Variants in PALD1 observed in about 807,000 individuals in gnomAD.
The protein encoded by PALD1 is phosphatase domain containing paladin 1, also known as paladin.
In PALD1, 57 loss-of-function variants were observed where a neutral mutation model predicts 96.0. The observed-to-expected ratio is 0.59, with a 90% CI of 0.48 to 0.74. PALD1 has a LOEUF of 0.74. Among genes scored for constraint, PALD1 ranks in the 30% least tolerant of loss-of-function variants. The pLI, the probability that PALD1 is intolerant of heterozygous loss-of-function variation, is 0.00. For synonymous variants in PALD1, 464 were observed against 473.6 expected, an observed-to-expected ratio of 0.98 and a Z score of 0.26; for missense variants, 1,063 against 1,143.7, an observed-to-expected ratio of 0.93 and a Z score of 1.02.
intron 1 of PALD1, among the ~76,000 whole-genome samples, chr10:70,522,502 G>C (rs368405644): frequency 6.6e-6 from 1 of 152,152 alleles, no homozygotes; most frequent in Non-Finnish European, 1.5e-5. Context: ...GAGTGGTATC[G>C]TAAGCGACAT....
chr10:70,525,904 A>G lies in PALD1; in HGVS notation c.-29-19A>G. ...ATTTTCCCATCCCCTCCTTCACTGC[A>G]CACCCTCTTATCCTACAGGTCTGGG... On this transcript the variant is annotated intron_variant, in intron 1 of 19. Coordinates refer to ENST00000263563, the MANE Select transcript of PALD1 (RefSeq NM_014431.3). 3 of 1,603,798 alleles carry G rather than the reference A, an allele frequency of 1.9e-6. No individual in the cohort carries two copies. Among genetic ancestry groups the G allele is most frequent in the Non-Finnish European group, 2.6e-6 (3 of 1,172,638 alleles).
At chr10:70,552,195 G>T (rs933097782) in intron 18 of PALD1, among the ~76,000 whole-genome samples, 2 of 152,204 alleles carry the variant, frequency 1.3e-5, no homozygotes, top group African/African-American at 4.8e-5. Flanking sequence ...CAACAGCTCC[G>T]GCTTCTGGGC....
chr10:70,491,326 A>G (rs1453739295), intron 1 of PALD1, among the ~76,000 whole-genome samples: 1 of 152,174 alleles, frequency 6.6e-6, no homozygotes, highest in Non-Finnish European at 1.5e-5. Context: ...CAACATGCAC[A>G]TGGTCCTGAC....
chr10:70,534,869 A>T, intron 10 of PALD1, 26 bp downstream of exon 10: 1 of 1,444,880 alleles, frequency 6.9e-7, no homozygotes. Flanking sequence ...ACGTGTGAGC[A>T]CTCTGCTTCT....
At chr10:70,496,890 C>T (rs112288629) in intron 1 of PALD1, among the ~76,000 whole-genome samples, 2,887 of 152,218 alleles carry the variant, frequency 0.019, 97 homozygotes, top group African/African-American at 0.066. Flanking sequence ...ACTCAATTAG[C>T]CTGTCTAACC....
In PALD1 at chr10:70,532,800, C is replaced by T. The variant is rs1275724504; in HGVS notation, c.794+19C>T. 2 of 1,612,192 alleles carry T rather than the reference C, an allele frequency of 1.2e-6. No individual in the cohort carries two copies. The highest frequency in any genetic ancestry group is 1.3e-5 in the African/African-American group (1 of 74,936). On this transcript the variant is annotated intron_variant, in intron 6 of 19. Coordinates refer to ENST00000263563, the MANE Select transcript of PALD1 (RefSeq NM_014431.3). ...CCTACAGGTACCACAGGGCCACCCC[C>T]AGCCCTGGCCATGGGTGCTCCAGGT...
chr10:70,525,845 G>A lies in PALD1; in HGVS notation c.-29-78G>A. 2.7e-6 allele frequency: 3 copies of A among 1,120,100 alleles called. No homozygotes were observed. The Admixed American group carries it at 5.2e-5, about 20-fold the overall frequency. The allele number at this position is 1,120,100 out of a possible 1,614,324, so 69.4% of individuals were successfully genotyped here. ...GTGAGCTGCCTTTCTCTGTATGGTG[G>A]AGGGCGAGAGGTGGGTCAGGTCTCC... On this transcript the variant is annotated intron_variant, in intron 1 of 19. Transcript: ENST00000263563.
intron 17 of PALD1, among the ~76,000 whole-genome samples, chr10:70,544,006 A>ACC (rs1353762975): frequency 6.6e-6 from 1 of 152,024 alleles, no homozygotes; most frequent in Admixed American, 6.5e-5. Context: ...ACCCCTGTAC[A>ACC]CCCTATCCTC....
intron 12 of PALD1, 65 bp from the exon 13 acceptor site, chr10:70,538,827 G>A: frequency 1.4e-6 from 2 of 1,414,752 alleles, no homozygotes; most frequent in Non-Finnish European, 2.0e-6. Context: ...CTTGGGCCAG[G>A]TCCTGACCCT....
the PALD1 span, among the ~76,000 whole-genome samples, chr10:70,466,443 C>T: frequency 5.3e-5 from 8 of 152,108 alleles, no homozygotes; most frequent in Non-Finnish European, 1.2e-4. Context: ...AGGGGTTTCA[C>T]CATGTTGGCT....
Position 70,539,866 on chromosome 10 carries a change from A to C in PALD1, c.1908+104A>C. The stretch of plus-strand genomic sequence containing the variant: ...AGAATGAAACGACCCCAGCTTCTCT[A>C]CGGGGCCCGGGAATGGTCTCACGAG... On this transcript the variant is annotated intron_variant, in intron 15 of 19. Coordinates refer to ENST00000263563, the MANE Select transcript of PALD1 (RefSeq NM_014431.3). This position sits in a 1 kb window ranked among gnomAD's most constrained non-coding sequence, Gnocchi z 4.5. 1 of 1,029,524 alleles carries C rather than the reference A, an allele frequency of 9.7e-7. No homozygotes were observed. The highest frequency in any genetic ancestry group is 1.4e-6 in the Non-Finnish European group (1 of 705,572). The allele number at this position is 1,029,524 out of a possible 1,614,324, so 63.8% of individuals were successfully genotyped here. A position where few individuals can be genotyped will look rare whatever the true frequency, so the allele number is the denominator to read the frequency against.
At chr10:70,542,811 A>G (rs73272609) in intron 17 of PALD1, among the ~76,000 whole-genome samples, 5,740 of 152,270 alleles carry the variant, frequency 0.038, 234 homozygotes, top group African/African-American at 0.1. Flanking sequence ...GCTGGATCCT[A>G]TCGTAATTCT....
In PALD1 at chr10:70,540,914, A is replaced by T. The variant is rs1191068646; in HGVS notation, c.1909-188A>T. On this transcript the variant is annotated intron_variant, in intron 15 of 19. Coordinates refer to ENST00000263563, the MANE Select transcript of PALD1 (RefSeq NM_014431.3). This position sits in a 1 kb window ranked among gnomAD's most constrained non-coding sequence, Gnocchi z 4.2. ...GGTGTGAGGGTGATTACGACTGCAC[A>T]GGTGCAGCTGTTTACACGCACATGG... Among the ~76,000 whole-genome samples, 1 of 152,210 alleles carries T rather than the reference A, an allele frequency of 6.6e-6. No individual in the cohort carries two copies. The highest frequency in any genetic ancestry group is 2.4e-5 in the African/African-American group (1 of 41,448).
intron 18 of PALD1, among the ~76,000 whole-genome samples, chr10:70,562,214 G>A (rs1847753805): frequency 6.6e-6 from 1 of 152,198 alleles, no homozygotes; most frequent in South Asian, 2.1e-4. Flanking sequence ...TGCTGGCTCT[G>A]GTCCCCTCGC....
intron 18 of PALD1, among the ~76,000 whole-genome samples, chr10:70,562,643 C>T (rs116528792): frequency 9.9e-4 from 151 of 152,318 alleles, no homozygotes; most frequent in African/African-American, 3.4e-3. Context: ...CCCTGTGCCA[C>T]GTCCTCTTCC....
chr10:70,533,057 T>C lies in PALD1; in HGVS notation c.857T>C (p.Val286Ala). The change falls in exon 7 of 20, where the codon GTC (valine) becomes GCC (alanine). Residue 286 changes from valine to alanine, a missense_variant. By Grantham distance (64) the Val-to-Ala change is moderately conservative. Transcript: ENST00000263563. ...SPLEAQLDAF[V>A]SVLRETPSLL... ...CTGGAGGCCCAGTTGGACGCCTTTG[T>C]CAGTGTTCTCCGGGTAACTGGGGCA... 1 of 1,581,194 alleles carries C rather than the reference T, an allele frequency of 6.3e-7. No individual in the cohort carries two copies. Among genetic ancestry groups the C allele is most frequent in the South Asian group, 1.2e-5 (1 of 86,594 alleles).
At chr10:70,461,744 C>T in the PALD1 span, among the ~76,000 whole-genome samples, 1 of 152,164 alleles carries the variant, frequency 6.6e-6, no homozygotes, top group South Asian at 2.1e-4. Flanking sequence ...GCCCTTGGCA[C>T]TTGCTTTTTT....
At chr10:70,483,509 G>A (rs1263948963) in intron 1 of PALD1, among the ~76,000 whole-genome samples, 2 of 152,144 alleles carry the variant, frequency 1.3e-5, no homozygotes, top group Non-Finnish European at 2.9e-5. Flanking sequence ...AGGATGTGGT[G>A]CTGTGAGGGC....
Position 70,538,947 on chromosome 10 carries a change from T to C in PALD1, c.1508T>C (p.Val503Ala), listed in dbSNP as rs1418040128. Residue 503 changes from valine to alanine, a missense_variant, in exon 13 of 20, where the codon GTG (valine) becomes GCG (alanine). By Grantham distance (64) the Val-to-Ala change is moderately conservative (BLOSUM62 0). Transcript: ENST00000263563. ...CTCAGCACTGTCAGAGAGATGGATG[T>C]GGCCAACTTCCGGCGGGTGCCCCGC... ...DALSTVREMDVANFRRVPRMP... is the reference protein window; with the variant it reads ...DALSTVREMDAANFRRVPRMP... The C allele has an allele frequency of 6.2e-7, 1 of 1,613,850 alleles. No homozygotes were observed.
Sources: gnomAD v4.1 joint callset for allele counts (sites outside exome capture counted in the v4.1 genomes callset) on GRCh38, gnomAD v4.1.1 for gene constraint, Gnocchi (gnomAD v3.1) non-coding constraint, MANE v1.5 for transcripts, NCBI Gene and HGNC (gene_info 2026-07-23, HGNC 2026-07-21) for gene names.